The following TRPM3 variants were observed in gnomAD, a reference collection of about 807,000 sequenced individuals.
The protein encoded by TRPM3 is transient receptor potential cation channel subfamily M member 3.
In TRPM3, 77 loss-of-function variants were observed where a neutral mutation model predicts 181.2. The ratio of observed to expected loss-of-function variants is 0.42; its 90% CI spans 0.35 to 0.51. TRPM3 has a LOEUF of 0.51. Ranked by LOEUF, TRPM3 falls within the 20% of genes least tolerant of loss-of-function variation. The pLI, the probability that TRPM3 is intolerant of heterozygous loss-of-function variation, is 0.01. For missense variants in TRPM3, 1,759 were observed against 2,196.7 expected, an observed-to-expected ratio of 0.80 and a Z score of 3.98; for synonymous variants, 745 against 796.4, an observed-to-expected ratio of 0.94 and a Z score of 1.09.
chr9:71,189,330 G>A (rs979809476), intron 1 of TRPM3, among the ~76,000 whole-genome samples: 31 of 151,810 alleles, frequency 2.0e-4, no homozygotes, highest in African/African-American at 6.3e-4. Context: ...CTGAGTGGTG[G>A]GCTTGTCCTT....
At chr9:71,405,910 G>A (rs1355480908) in intron 1 of TRPM3, among the ~76,000 whole-genome samples, 1 of 152,132 alleles carries the variant, frequency 6.6e-6, no homozygotes, top group Non-Finnish European at 1.5e-5. Context: ...GAAATATTCA[G>A]AAGTAATAGA....
At chr9:71,137,843 G>A (rs767006276) in intron 1 of TRPM3, among the ~76,000 whole-genome samples, 4 of 152,148 alleles carry the variant, frequency 2.6e-5, no homozygotes, top group South Asian at 2.1e-4. Context: ...TAGGTTGGGC[G>A]AGGTGGCTCA....
chr9:71,225,901 C>A (rs2080577566), intron 1 of TRPM3, among the ~76,000 whole-genome samples: 1 of 151,498 alleles, frequency 6.6e-6, no homozygotes, highest in Admixed American at 6.6e-5. Flanking sequence ...AGATTATCCA[C>A]CCGCTTCAGC....
intron 1 of TRPM3, among the ~76,000 whole-genome samples, chr9:71,364,427 A>T (rs1189592524): frequency 1.3e-5 from 2 of 152,236 alleles, no homozygotes; most frequent in East Asian, 3.9e-4. Flanking sequence ...CCAGAGTAAA[A>T]TGTGCATGTG....
intron 25 of TRPM3, among the ~76,000 whole-genome samples, chr9:70,548,915 T>G (rs948353905): frequency 5.9e-5 from 9 of 152,134 alleles, no homozygotes; most frequent in African/African-American, 2.2e-4. Context: ...ATTTTTCTTA[T>G]AGCTCTGCTG....
intron 9 of TRPM3, among the ~76,000 whole-genome samples, chr9:70,674,599 G>A (rs898753237): frequency 5.9e-5 from 9 of 151,836 alleles, no homozygotes; most frequent in Admixed American, 5.9e-4. Context: ...TTGCTCTGTT[G>A]CCCAGCCTGG....
intron 16 of TRPM3, among the ~76,000 whole-genome samples, chr9:70,619,388 G>T (rs2063269915): frequency 7.0e-6 from 1 of 143,450 alleles, no homozygotes; most frequent in Non-Finnish European, 1.5e-5. Context: ...ATAGAGTACA[G>T]TATGTCATCG....
chr9:71,110,945 A>C (rs1476734087), intron 1 of TRPM3, among the ~76,000 whole-genome samples: 1 of 152,212 alleles, frequency 6.6e-6, no homozygotes, highest in Non-Finnish European at 1.5e-5. Context: ...TATTCATTGA[A>C]ATGAAATGTA....
At chr9:70,695,541 G>T (rs189928920) in intron 8 of TRPM3, among the ~76,000 whole-genome samples, 5 of 152,300 alleles carry the variant, frequency 3.3e-5, no homozygotes, top group Admixed American at 3.3e-4. Flanking sequence ...CTTGTGCTCT[G>T]AGGCACAGTT....
intron 1 of TRPM3, among the ~76,000 whole-genome samples, chr9:71,018,256 G>A (rs1428352911): frequency 2.7e-5 from 4 of 150,392 alleles, no homozygotes; most frequent in African/African-American, 9.7e-5. Flanking sequence ...AATACTCCAA[G>A]GTCTATCTCA....
chr9:70,629,207 A>C (rs1589520350), intron 12 of TRPM3, among the ~76,000 whole-genome samples: 1 of 5,168 alleles, frequency 1.9e-4, no homozygotes, highest in Non-Finnish European at 4.9e-4. Context: ...TGATTCTGTG[A>C]CCAGTGCCGG....
chr9:71,279,619 G>A (rs1313575617), intron 1 of TRPM3, among the ~76,000 whole-genome samples: 1 of 152,136 alleles, frequency 6.6e-6, no homozygotes, highest in Non-Finnish European at 1.5e-5. Flanking sequence ...GAACCCTGGT[G>A]TGAACACTTG....
intron 1 of TRPM3, among the ~76,000 whole-genome samples, chr9:70,969,780 ACACACACACACTAAGAAAT>A (rs2097221890): frequency 4.7e-5 from 4 of 84,512 alleles, no homozygotes; most frequent in Admixed American, 1.1e-4. Flanking sequence ...ATATATATAT[ACACACACACACTAAGAAAT>A]TATATAATTA....
At chr9:70,818,017 C>T (rs1284078610) in intron 6 of TRPM3, among the ~76,000 whole-genome samples, 1 of 152,022 alleles carries the variant, frequency 6.6e-6, no homozygotes, top group Non-Finnish European at 1.5e-5. Context: ...CTTTTTTGAA[C>T]ATTTGTTGTG....
rs183504609 is a variant in TRPM3, at chr9:70,894,902, G to A, written c.178-30391C>T. Among the ~76,000 whole-genome samples, 21 of 152,254 alleles carry A rather than the reference G, an allele frequency of 1.4e-4. 1 individual carries two copies. The East Asian group carries it at 3.9e-3, about 28-fold the overall frequency. On this transcript the variant is annotated intron_variant, in intron 1 of 25. Coordinates refer to ENST00000677713, the MANE Select transcript of TRPM3 (RefSeq NM_001366145.2). ...TGCGGTGCTGAAGCCCTACTGCTAA[G>A]ATTGTGAATAGAAAATGGGAAAAAA...
At chr9:71,307,886 A>G (rs2132376079) in intron 1 of TRPM3, among the ~76,000 whole-genome samples, 1 of 152,082 alleles carries the variant, frequency 6.6e-6, no homozygotes, top group African/African-American at 2.4e-5. Context: ...CTAGTAAGGC[A>G]TTTATTTTGT....
At chr9:71,369,578 A>C (rs1256209609) in intron 1 of TRPM3, among the ~76,000 whole-genome samples, 1 of 152,140 alleles carries the variant, frequency 6.6e-6, no homozygotes, top group Non-Finnish European at 1.5e-5. Flanking sequence ...ATCTCAGCTC[A>C]CTGCAACCTC....
At chr9:71,289,925 T>C (rs1301374575) in intron 1 of TRPM3, among the ~76,000 whole-genome samples, 2 of 129,392 alleles carry the variant, frequency 1.5e-5, no homozygotes, top group Non-Finnish European at 1.7e-5. Context: ...TAGATAAGAA[T>C]TGAAATATTC....
At chr9:71,421,176 A>G (rs1001734833) in intron 1 of TRPM3, among the ~76,000 whole-genome samples, 9 of 151,922 alleles carry the variant, frequency 5.9e-5, no homozygotes, top group Non-Finnish European at 1.3e-4. Context: ...AAACATGGAC[A>G]TAAAGATAGG....
Sources: allele counts gnomAD v4.1 joint callset (sites outside exome capture counted in the v4.1 genomes callset), GRCh38; gene constraint gnomAD v4.1.1; transcripts MANE v1.5; gene names NCBI Gene and HGNC (gene_info 2026-07-23, HGNC 2026-07-21).